EHBP1: variants seen among roughly 807,000 people sequenced by gnomAD.
EHBP1 encodes EH domain binding protein 1.
A neutral mutation model predicts 144.0 loss-of-function variants in EHBP1; 55 were observed. That is an observed-to-expected ratio of 0.38 (90% CI 0.31 to 0.48). The LOEUF (loss-of-function observed/expected upper bound fraction) is 0.48, where lower values mean the gene tolerates loss of function less well. EHBP1 is among the 20% of genes least tolerant of loss of function. The pLI is 0.98. For missense variants in EHBP1, 1,200 were observed against 1,364.2 expected, an observed-to-expected ratio of 0.88 and a Z score of 1.90; for synonymous variants, 469 against 472.7, an observed-to-expected ratio of 0.99 and a Z score of 0.10.
chr2:62,836,162 C>A (rs1305297869), intron 7 of EHBP1, among the ~76,000 whole-genome samples: 246 of 152,184 alleles, frequency 1.6e-3, no homozygotes, highest in Non-Finnish European at 2.8e-3. Flanking sequence ...GGCAGACTGC[C>A]TCCTCAAATG....
chr2:62,750,907 A>G (rs2039639210), intron 3 of EHBP1, among the ~76,000 whole-genome samples: 1 of 152,174 alleles, frequency 6.6e-6, no homozygotes, highest in South Asian at 2.1e-4. Flanking sequence ...GGTTTTCTAA[A>G]TATACAATCA....
intron 15 of EHBP1, among the ~76,000 whole-genome samples, chr2:62,990,173 G>T (rs1293862760): frequency 2.0e-5 from 3 of 151,974 alleles, no homozygotes; most frequent in Non-Finnish European, 4.4e-5. Flanking sequence ...TAAGTAGAGG[G>T]TATTTGTAAA....
intron 10 of EHBP1, among the ~76,000 whole-genome samples, chr2:62,899,125 G>A (rs1470018588): frequency 4.6e-5 from 7 of 152,288 alleles, no homozygotes; most frequent in South Asian, 2.1e-4. Context: ...TAATCAGAAG[G>A]TGCTGGCTTG....
At chr2:62,745,828 A>G (rs1219976500) in intron 2 of EHBP1, among the ~76,000 whole-genome samples, 2 of 152,142 alleles carry the variant, frequency 1.3e-5, no homozygotes, top group East Asian at 3.9e-4. Context: ...GAACTTTTTA[A>G]AAGAGTTTAA....
chr2:62,923,748 A>G (rs375285181), intron 10 of EHBP1, among the ~76,000 whole-genome samples: 3 of 152,298 alleles, frequency 2.0e-5, no homozygotes, highest in Admixed American at 6.5e-5. Context: ...TCCGAGGCCT[A>G]AGAAGCAACT....
chr2:62,926,308 T>C (rs897031172), intron 10 of EHBP1, among the ~76,000 whole-genome samples: 15 of 151,926 alleles, frequency 9.9e-5, no homozygotes, highest in Non-Finnish European at 2.1e-4. Flanking sequence ...CTCAAACGCA[T>C]AGGCAGCAAA....
chr2:62,859,493 C>G (rs951300808), intron 8 of EHBP1, among the ~76,000 whole-genome samples: 1 of 152,132 alleles, frequency 6.6e-6, no homozygotes, highest in Non-Finnish European at 1.5e-5. Context: ...AAAAAGAAAG[C>G]CTTACGTAAA....
chr2:62,723,448 G>A (rs1281500860), intron 2 of EHBP1, among the ~76,000 whole-genome samples: 1 of 151,708 alleles, frequency 6.6e-6, no homozygotes, highest in African/African-American at 2.4e-5. Context: ...TTTCCACTCT[G>A]TGCCTTTTAA....
intron 5 of EHBP1, among the ~76,000 whole-genome samples, chr2:62,773,703 T>G (rs898786999): frequency 1.3e-5 from 2 of 151,082 alleles, no homozygotes; most frequent in Admixed American, 1.3e-4. Flanking sequence ...ACAAAACAAT[T>G]AGTTGGGCTT....
intron 19 of EHBP1, among the ~76,000 whole-genome samples, chr2:63,020,107 C>T (rs1024227721): frequency 4.0e-5 from 6 of 151,816 alleles, no homozygotes; most frequent in African/African-American, 9.7e-5. Context: ...AAGCAGATCA[C>T]GAGGTCAGGA....
chr2:62,984,180 ATAACT>A (rs1343401716), intron 15 of EHBP1, among the ~76,000 whole-genome samples: 2 of 152,188 alleles, frequency 1.3e-5, no homozygotes, highest in Admixed American at 6.5e-5. Flanking sequence ...GTTTTTAATG[ATAACT>A]TCACTTTCTG....
intron 9 of EHBP1, among the ~76,000 whole-genome samples, chr2:62,870,065 T>C (rs891993632): frequency 6.6e-6 from 1 of 152,234 alleles, no homozygotes; most frequent in Non-Finnish European, 1.5e-5. Flanking sequence ...GAAAAATAGT[T>C]ATTTCTTTAA....
At chr2:62,772,814 A>G (rs539109825) in intron 5 of EHBP1, among the ~76,000 whole-genome samples, 2 of 152,288 alleles carry the variant, frequency 1.3e-5, no homozygotes, top group East Asian at 1.9e-4. Context: ...CTTCCTTTCT[A>G]TGCCTGACTT....
At chr2:62,815,027 G>A (rs2045334715) in intron 5 of EHBP1, among the ~76,000 whole-genome samples, 1 of 152,142 alleles carries the variant, frequency 6.6e-6, no homozygotes, top group South Asian at 2.1e-4. Context: ...GCAATCCAAA[G>A]ACATAAAACA....
intron 10 of EHBP1, among the ~76,000 whole-genome samples, chr2:62,876,766 A>T (rs2050918653): frequency 6.6e-6 from 1 of 151,950 alleles, no homozygotes; most frequent in African/African-American, 2.4e-5. Flanking sequence ...ACCAGATCTC[A>T]TGAGAACTCA....
chr2:62,937,592 G>A (rs1227271530), intron 10 of EHBP1, among the ~76,000 whole-genome samples: 3 of 152,154 alleles, frequency 2.0e-5, no homozygotes, highest in East Asian at 1.9e-4. Flanking sequence ...TGGCAATTGC[G>A]AGGAGATTTC....
chr2:62,823,480 C>T (rs1390404232), intron 5 of EHBP1, among the ~76,000 whole-genome samples: 2 of 152,018 alleles, frequency 1.3e-5, no homozygotes, highest in Non-Finnish European at 2.9e-5. Flanking sequence ...TCTCTCTCTC[C>T]CTGGCTGATC....
At chr2:62,951,536 G>C (rs1348648999) in intron 13 of EHBP1, among the ~76,000 whole-genome samples, 1 of 118,696 alleles carries the variant, frequency 8.4e-6, no homozygotes, top group Non-Finnish European at 1.7e-5. Context: ...TTTTTTTTTG[G>C]GGGGGGGGGG....
chr2:62,784,004 C>G (rs1316601368), intron 5 of EHBP1, among the ~76,000 whole-genome samples: 1 of 152,192 alleles, frequency 6.6e-6, no homozygotes, highest in African/African-American at 2.4e-5. Flanking sequence ...TCATCTCTTT[C>G]AAGTTCAAAG....
Sources: gnomAD v4.1 joint callset for allele counts (sites outside exome capture counted in the v4.1 genomes callset) on GRCh38, gnomAD v4.1.1 for gene constraint, MANE v1.5 for transcripts, NCBI Gene and HGNC (gene_info 2026-07-23, HGNC 2026-07-21) for gene names.